The following LRP2 variants were observed in gnomAD, a reference collection of about 807,000 sequenced individuals.
LRP2 encodes the protein low-density lipoprotein receptor-related protein 2.
In LRP2, 172 loss-of-function variants were observed where a neutral mutation model predicts 531.0. That is an observed-to-expected ratio of 0.32 (90% CI 0.29 to 0.37). The LOEUF is 0.37. Ranked by LOEUF, LRP2 falls within the 10% of genes least tolerant of loss-of-function variation. The pLI, the probability that LRP2 is intolerant of heterozygous loss-of-function variation, is 1.00. For synonymous variants in LRP2, 1,992 were observed against 2,027.6 expected (o/e 0.98, Z 0.47); for missense variants, 5,167 against 5,868.3 (o/e 0.88, Z 3.90).
intron 1 of LRP2, among the ~76,000 whole-genome samples, chr2:169,360,403 G>A (rs1182116192): frequency 1.3e-5 from 2 of 151,314 alleles, no homozygotes; most frequent in African/African-American, 4.8e-5. Context: ...GTGTATGCTA[G>A]GTTACTATTA....
intron 36 of LRP2, among the ~76,000 whole-genome samples, chr2:169,213,328 C>T (rs190584474): frequency 2.0e-5 from 3 of 152,100 alleles, no homozygotes; most frequent in Admixed American, 6.6e-5. Context: ...AATGCCTGCC[C>T]GTACAGAGGT....
chr2:169,347,167 CAACT>C (rs985799804), intron 1 of LRP2, among the ~76,000 whole-genome samples: 1 of 152,196 alleles, frequency 6.6e-6, no homozygotes, highest in African/African-American at 2.4e-5. Flanking sequence ...ATTACTATCT[CAACT>C]AACTACTTTA....
At chr2:169,291,554 A>G (rs1683999254) in intron 7 of LRP2, among the ~76,000 whole-genome samples, 2 of 152,240 alleles carry the variant, frequency 1.3e-5, no homozygotes, top group Admixed American at 1.3e-4. Context: ...GGGTATGGGT[A>G]TTAGTAACTG....
chr2:169,191,805 TG>T (rs1299715923), intron 48 of LRP2, 26 bp downstream of exon 48: 1 of 1,605,852 alleles, frequency 6.2e-7, no homozygotes, highest in Non-Finnish European at 8.5e-7. Flanking sequence ...TGAGGCATGC[TG>T]GGTAACTTCT....
chr2:169,143,594 C>G (rs768444662), intron 70 of LRP2, among the ~76,000 whole-genome samples: 3 of 152,070 alleles, frequency 2.0e-5, no homozygotes, highest in Non-Finnish European at 4.4e-5. Flanking sequence ...TGCAGTGAGC[C>G]GAGATTGCAC....
At chr2:169,139,145 C>G in intron 74 of LRP2, 106 bp downstream of exon 74, 1 of 1,525,962 alleles carries the variant, frequency 6.6e-7, no homozygotes, top group Non-Finnish European at 9.1e-7. Context: ...AATCGGTGAA[C>G]TGCGTATTGT....
At chr2:169,218,768 C>T (rs1688884155) in intron 34 of LRP2, among the ~76,000 whole-genome samples, 2 of 152,092 alleles carry the variant, frequency 1.3e-5, no homozygotes, top group African/African-American at 4.8e-5. Flanking sequence ...AACCTCCCAG[C>T]AAATTTCTGA....
rs557658259 is a variant in LRP2 at position 169,298,040 on chromosome 2, A to G, written c.428-3330T>C. ...CCAGCCCAGACACCTGGGACTTTTCAAGGTCCTAGAGTCATCCTTTATAAG... is the reference window on the plus strand; with the variant it reads ...CCAGCCCAGACACCTGGGACTTTTCGAGGTCCTAGAGTCATCCTTTATAAG... On this transcript the variant is annotated intron_variant, in intron 4 of 78. Coordinates refer to ENST00000649046, the MANE Select transcript of LRP2 (RefSeq NM_004525.3). Among the ~76,000 whole-genome samples, 411 of 152,142 alleles carry G rather than the reference A, an allele frequency of 2.7e-3. 2 individuals are homozygous for G. Among genetic ancestry groups the G allele is most frequent in the Admixed American group, 3.7e-3 (57 of 15,266 alleles).
At chr2:169,138,194 T>C (rs191071521) in intron 75 of LRP2, among the ~76,000 whole-genome samples, 10 of 152,106 alleles carry the variant, frequency 6.6e-5, no homozygotes, top group Non-Finnish European at 1.2e-4. Flanking sequence ...GGCAGAAAAA[T>C]ATATGACACT....
chr2:169,279,659 T>G, intron 11 of LRP2, 64 bp from the exon 12 acceptor site: 2 of 1,005,712 alleles, frequency 2.0e-6, no homozygotes, highest in Non-Finnish European at 3.1e-6. Context: ...TTGTTTTGAT[T>G]TTTTTTAGCT....
chr2:169,319,545 T>C (rs830974), intron 2 of LRP2, among the ~76,000 whole-genome samples: 49,964 of 152,012 alleles, frequency 0.33, 8,702 homozygotes, highest in African/African-American at 0.46. Flanking sequence ...CTCTGAAGAG[T>C]TGTTGGCATA....
intron 29 of LRP2, 147 bp from the exon 30 acceptor site, chr2:169,233,735 C>A (rs961837481): frequency 5.0e-6 from 4 of 794,990 alleles, no homozygotes; most frequent in Non-Finnish European, 8.6e-6. Flanking sequence ...TGCAAAAGAG[C>A]GGCAAAAAAT....
intron 52 of LRP2, 147 bp downstream of exon 52, chr2:169,181,301 G>T: frequency 1.4e-6 from 1 of 723,954 alleles, no homozygotes; most frequent in Non-Finnish European, 2.4e-6. Flanking sequence ...GAGCTCAGCA[G>T]TTTTAGTTAG....
chr2:169,155,874 G>A (rs1235990742), intron 65 of LRP2, among the ~76,000 whole-genome samples: 1 of 152,156 alleles, frequency 6.6e-6, no homozygotes, highest in Non-Finnish European at 1.5e-5. Flanking sequence ...TATTCTCAGT[G>A]GAGTGGGAGC....
At chr2:169,231,599 G>T in intron 31 of LRP2, 115 bp downstream of exon 31, 1 of 1,297,668 alleles carries the variant, frequency 7.7e-7, no homozygotes, top group Non-Finnish European at 1.1e-6. Flanking sequence ...GCAGACACCT[G>T]AGGAATCAAA....
intron 63 of LRP2, among the ~76,000 whole-genome samples, chr2:169,161,818 C>T (rs1574084188): frequency 6.6e-6 from 1 of 152,170 alleles, no homozygotes; most frequent in Admixed American, 6.5e-5. Context: ...CTTCCCAGGT[C>T]CCCTGTGGCG....
chr2:169,328,441 TAAAAAA>T (rs537210492), intron 1 of LRP2, among the ~76,000 whole-genome samples: 18 of 49,130 alleles, frequency 3.7e-4, no homozygotes, highest in African/African-American at 9.6e-4. Flanking sequence ...CGGGCCGGGA[TAAAAAA>T]AAAAAAAAAA....
At chr2:169,217,197 C>A (rs1688830031) in intron 34 of LRP2, among the ~76,000 whole-genome samples, 1 of 151,980 alleles carries the variant, frequency 6.6e-6, no homozygotes, top group Non-Finnish European at 1.5e-5. Context: ...TTTGATTGCA[C>A]CTCCTTCTAT....
chr2:169,355,460 C>G (rs538532869), intron 1 of LRP2, among the ~76,000 whole-genome samples: 1 of 152,290 alleles, frequency 6.6e-6, no homozygotes, highest in African/African-American at 2.4e-5. Context: ...CTCTGGACTC[C>G]ACCCCTTCAT....
Sources: allele counts gnomAD v4.1 joint callset (sites outside exome capture counted in the v4.1 genomes callset), GRCh38; gene constraint gnomAD v4.1.1; transcripts MANE v1.5; gene names NCBI Gene and HGNC (gene_info 2026-07-23, HGNC 2026-07-21).